Variants in RANBP9 observed in about 807,000 individuals in gnomAD.
The protein encoded by RANBP9 is RAN binding protein 9, also known as ran-binding protein 9.
Under a neutral mutation model 84.3 loss-of-function variants are expected in RANBP9, and 15 were observed. The observed-to-expected ratio is 0.18, with a 90% CI of 0.12 to 0.27. The LOEUF (loss-of-function observed/expected upper bound fraction) is 0.27. RANBP9 is among the 10% of genes least tolerant of loss of function. The pLI is 1.00. For missense variants in RANBP9, 809 were observed against 912.8 expected (o/e 0.89, Z 1.46); for synonymous variants, 392 against 349.6 (o/e 1.12, Z -1.35).
intron 2 of RANBP9, among the ~76,000 whole-genome samples, chr6:13,665,919 T>C (rs914707576): frequency 6.6e-6 from 1 of 152,070 alleles, no homozygotes; most frequent in Admixed American, 6.6e-5. Flanking sequence ...GAAAAATCAA[T>C]CTAAGGTAGT....
intron 2 of RANBP9, among the ~76,000 whole-genome samples, chr6:13,696,132 C>T (rs1478597809): frequency 3.3e-5 from 5 of 152,096 alleles, no homozygotes; most frequent in African/African-American, 1.2e-4. Context: ...CTATCTTGCC[C>T]AAAGCTCTAC....
chr6:13,622,503 A>G lies in RANBP9; in HGVS notation c.2060-11T>C. 2 of 1,552,428 alleles carry G rather than the reference A, an allele frequency of 1.3e-6. No individual in the cohort carries two copies. The highest frequency in any genetic ancestry group is 1.7e-4 in the Middle Eastern group (1 of 5,786). Reference sequence around the variant, plus strand: ...GCAGATTGTGGGTTTCTGAGGAAAAATAATTTAAAAATGAGAACAGCAATT... The same window carrying G: ...GCAGATTGTGGGTTTCTGAGGAAAAGTAATTTAAAAATGAGAACAGCAATT... On this transcript the variant is annotated splice_polypyrimidine_tract_variant and intron_variant, in intron 13 of 13. Transcript: ENST00000011619.
chr6:13,646,942 A>G (rs1160492393), intron 5 of RANBP9, among the ~76,000 whole-genome samples: 2 of 152,234 alleles, frequency 1.3e-5, no homozygotes, highest in Non-Finnish European at 2.9e-5. Flanking sequence ...AACATTTTTA[A>G]TGCGCACTTA....
intron 5 of RANBP9, among the ~76,000 whole-genome samples, chr6:13,652,394 G>A (rs1277396213): frequency 1.3e-5 from 2 of 152,096 alleles, no homozygotes; most frequent in Non-Finnish European, 2.9e-5. Flanking sequence ...CATTTCAAAT[G>A]AATGAATGGT....
intron 2 of RANBP9, among the ~76,000 whole-genome samples, chr6:13,694,591 T>A (rs1380675014): frequency 6.6e-6 from 1 of 152,198 alleles, no homozygotes; most frequent in Non-Finnish European, 1.5e-5. Flanking sequence ...GTGGTTTTGC[T>A]TTCCTCAGTG....
At chr6:13,627,630 C>CAAAAAAAAAAAAAA (rs35401168) in intron 12 of RANBP9, among the ~76,000 whole-genome samples, 118 of 66,376 alleles carry the variant, frequency 1.8e-3, no homozygotes, top group South Asian at 7.1e-3. Flanking sequence ...ACTCCATCTC[C>CAAAAAAAAAAAAAA]AAAAAAAAAA....
intron 5 of RANBP9, among the ~76,000 whole-genome samples, chr6:13,647,399 T>A (rs1302876976): frequency 1.3e-5 from 2 of 151,984 alleles, no homozygotes; most frequent in African/African-American, 4.8e-5. Context: ...ATGAAAAAAA[T>A]GTACATTTTA....
intron 2 of RANBP9, among the ~76,000 whole-genome samples, 177 bp from the exon 3 acceptor site, chr6:13,659,009 T>A (rs1337740342): frequency 2.0e-5 from 3 of 152,116 alleles, no homozygotes; most frequent in Non-Finnish European, 4.4e-5. Flanking sequence ...TAAGTACCAG[T>A]AATACTCAGA....
At chr6:13,634,925 C>T (rs1281093115) in intron 10 of RANBP9, among the ~76,000 whole-genome samples, 1 of 152,158 alleles carries the variant, frequency 6.6e-6, no homozygotes, top group Non-Finnish European at 1.5e-5. Context: ...TCTCCCCCTA[C>T]CCCCAGCACT....
intron 2 of RANBP9, among the ~76,000 whole-genome samples, chr6:13,687,812 C>A (rs1343690566): frequency 6.6e-6 from 1 of 152,142 alleles, no homozygotes; most frequent in African/African-American, 2.4e-5. Flanking sequence ...CTCAGATAAC[C>A]CACCTAAAAA....
intron 7 of RANBP9, 63 bp from the exon 8 acceptor site, chr6:13,641,370 G>T: frequency 2.0e-6 from 2 of 975,842 alleles, no homozygotes; most frequent in South Asian, 3.2e-5. Context: ...TAAACTTAGT[G>T]ACCTCAGAAA....
intron 2 of RANBP9, among the ~76,000 whole-genome samples, chr6:13,692,333 C>T (rs204224): frequency 0.19 from 28,023 of 147,334 alleles, 2,840 homozygotes; most frequent in African/African-American, 0.26. Flanking sequence ...GTCAGGGGTT[C>T]GAAACCAGCT....
intron 9 of RANBP9, among the ~76,000 whole-genome samples, chr6:13,638,908 G>C (rs908451528): frequency 2.0e-5 from 3 of 152,170 alleles, no homozygotes; most frequent in East Asian, 3.8e-4. Context: ...GTGGTAACCA[G>C]TGGCATAAGG....
chr6:13,701,719 G>A (rs560989651), intron 1 of RANBP9, among the ~76,000 whole-genome samples: 44 of 151,418 alleles, frequency 2.9e-4, no homozygotes, highest in Admixed American at 2.4e-3. Context: ...GCAGTGACCC[G>A]ACGTTGTACC....
Position 13,653,504 on chromosome 6 carries a change from G to C in RANBP9, c.905-823C>G, listed in dbSNP as rs547813903. On this transcript the variant is annotated intron_variant, in intron 4 of 13. Transcript: ENST00000011619. ...AGCAGTATTGGTGAGTCAGTCAGCT[G>C]ATCTCAATTCTTCCAGTCTAAAACA... Among the ~76,000 whole-genome samples, 5 of 152,216 alleles carry C rather than the reference G, an allele frequency of 3.3e-5. 1 individual carries two copies. In the East Asian group the frequency reaches 9.6e-4, roughly 29 times the overall value.
At chr6:13,706,692 C>CT (rs1016482054) in intron 1 of RANBP9, among the ~76,000 whole-genome samples, 9 of 141,916 alleles carry the variant, frequency 6.3e-5, no homozygotes, top group Non-Finnish European at 1.2e-4. Flanking sequence ...GAGACTCCAT[C>CT]TTAAAAAAAA....
chr6:13,698,257 A>C (rs986471606), intron 1 of RANBP9, among the ~76,000 whole-genome samples: 1 of 152,246 alleles, frequency 6.6e-6, no homozygotes. Flanking sequence ...AGGAGTCAAC[A>C]AGCTTGGCTA....
At chr6:13,704,322 A>T (rs898442436) in intron 1 of RANBP9, among the ~76,000 whole-genome samples, 1 of 152,168 alleles carries the variant, frequency 6.6e-6, no homozygotes, top group Non-Finnish European at 1.5e-5. Flanking sequence ...AACTCAACAA[A>T]ATATTCCATA....
In RANBP9 at chr6:13,711,408, A is replaced by T; in HGVS notation, c.98T>A (p.Val33Asp). 8.5e-7 allele frequency: 1 copy of T among 1,182,678 alleles called. No individual in the cohort carries two copies. The highest frequency in any genetic ancestry group is 1.0e-6 in the Non-Finnish European group (1 of 957,576). The allele number at this position is 1,182,678 out of a possible 1,614,324, so 73.3% of individuals were successfully genotyped here. The stretch of plus-strand genomic sequence containing the variant: ...GACGGCCGGGGGCGCCGGCAGGACG[A>T]CTCCGGAGACTGGGGCCAAGGCCGC... ...PPAALAPVSG[V>D]VLPAPPAVSA... The change falls in exon 1 of 14, where the codon GTC (valine) becomes GAC (aspartate). Residue 33 changes from valine (V) to aspartate (D), a missense_variant. This residue lies in a region of RANBP9 where 302 missense variants were observed against 240.1 expected (regional missense o/e 1.26). Coordinates refer to ENST00000011619, the MANE Select transcript of RANBP9 (RefSeq NM_005493.3).
Sources: gnomAD v4.1 joint callset for allele counts (sites outside exome capture counted in the v4.1 genomes callset) on GRCh38, gnomAD v4.1.1 for gene constraint, gnomAD v4.1.1 regional missense constraint, MANE v1.5 for transcripts, NCBI Gene and HGNC (gene_info 2026-07-23, HGNC 2026-07-21) for gene names.